The following KAZN variants were observed in gnomAD, a reference collection of about 807,000 sequenced individuals.
The protein encoded by KAZN is kazrin, periplakin interacting protein, also known as kazrin.
KAZN carries 40 observed loss-of-function variants against 87.4 expected under a neutral mutation model. The observed-to-expected ratio is 0.46, with a 90% CI of 0.36 to 0.60. KAZN has a LOEUF of 0.60. Ranked by LOEUF, KAZN falls within the 20% of genes least tolerant of loss-of-function variation. KAZN has a pLI of 0.00. For synonymous variants in KAZN, 466 were observed against 458.3 expected (o/e 1.02, Z -0.22); for missense variants, 898 against 1,073.9 (o/e 0.84, Z 2.29).
intron 1 of KAZN, among the ~76,000 whole-genome samples, chr1:13,958,293 G>A (rs1641619726): frequency 6.6e-6 from 1 of 152,138 alleles, no homozygotes; most frequent in Admixed American, 6.5e-5. Context: ...AAAATTGGCT[G>A]GGTGCGGTGG....
In KAZN at chr1:14,005,569, C is replaced by T. The variant is rs183730593; in HGVS notation, c.91+111813C>T. Among the ~76,000 whole-genome samples the T allele has an allele frequency of 4.7e-4, 71 of 152,094 alleles. No individual in the cohort carries two copies. In the East Asian group the frequency reaches 0.013, roughly 27 times the overall value. ...GTATGTCCGAAGTTCAGAGGAAAGG[C>T]GAGGGTTGAAGACATAATCTGTTAA... On this transcript the variant is annotated intron_variant, in intron 1 of 16. Coordinates refer to the KAZN transcript ENST00000636203.
chr1:14,180,216 G>T (rs1646168032), intron 1 of KAZN, among the ~76,000 whole-genome samples: 4 of 152,042 alleles, frequency 2.6e-5, no homozygotes. Context: ...GTATCCCCAA[G>T]CACTCTATGT....
chr1:15,079,658 A>G lies in KAZN; in HGVS notation c.1222+13905A>G, dbSNP rs561943254. Among the ~76,000 whole-genome samples, 26 of 152,084 alleles carry G rather than the reference A, an allele frequency of 1.7e-4. 1 individual carries two copies. Among genetic ancestry groups the G allele is most frequent in the African/African-American group, 6.3e-4 (26 of 41,492 alleles). ...TCTTGCCCTGGCCACCTGTGTCAAG[A>G]TCCCCCCCTCACTTCTCATGGGATC... On this transcript the variant is annotated intron_variant, in intron 8 of 14. Coordinates refer to ENST00000376030, the MANE Select transcript of KAZN (RefSeq NM_201628.3).
chr1:14,502,336 C>T (rs1167291224), intron 2 of KAZN, among the ~76,000 whole-genome samples: 3 of 152,206 alleles, frequency 2.0e-5, no homozygotes, highest in Non-Finnish European at 4.4e-5. Flanking sequence ...CACATATCAA[C>T]TGAATTGTGC....
chr1:14,046,288 C>A (rs1477724573), intron 1 of KAZN, among the ~76,000 whole-genome samples: 1 of 152,098 alleles, frequency 6.6e-6, no homozygotes, highest in Non-Finnish European at 1.5e-5. Context: ...AACTAATATT[C>A]TTGGAGCCAA....
chr1:14,494,219 T>TG (rs1448583873), intron 2 of KAZN, among the ~76,000 whole-genome samples: 1 of 152,090 alleles, frequency 6.6e-6, no homozygotes, highest in Non-Finnish European at 1.5e-5. Context: ...TAGAATCAAA[T>TG]GGGGAAATTA....
At chr1:14,118,750 G>GCC (rs1644684882) in intron 1 of KAZN, among the ~76,000 whole-genome samples, 1 of 152,140 alleles carries the variant, frequency 6.6e-6, no homozygotes, top group Admixed American at 6.5e-5. Flanking sequence ...TTTTACAGAT[G>GCC]GGAAGACTGG....
At chr1:14,837,353 C>T (rs1647371434) in intron 1 of KAZN, among the ~76,000 whole-genome samples, 2 of 151,956 alleles carry the variant, frequency 1.3e-5, no homozygotes, top group African/African-American at 2.4e-5. Context: ...GCAGGCGCCA[C>T]CATGCCCTGC....
intron 2 of KAZN, among the ~76,000 whole-genome samples, chr1:14,399,970 A>G (rs1198037488): frequency 6.6e-6 from 1 of 152,084 alleles, no homozygotes; most frequent in Admixed American, 6.6e-5. Flanking sequence ...TCAGTAAGTA[A>G]TTGGTGAATT....
intron 1 of KAZN, among the ~76,000 whole-genome samples, chr1:14,039,784 C>T (rs1015688830): frequency 6.6e-5 from 10 of 152,184 alleles, no homozygotes; most frequent in Non-Finnish European, 1.3e-4. Flanking sequence ...GCTGGGCGAC[C>T]TCTCCAGCCC....
At chr1:14,188,119 A>T (rs1364284930) in intron 2 of KAZN, among the ~76,000 whole-genome samples, 1 of 152,100 alleles carries the variant, frequency 6.6e-6, no homozygotes, top group Non-Finnish European at 1.5e-5. Context: ...CCCCATTTAG[A>T]TAACAGTTCA....
chr1:14,645,294 G>T (rs1680729120), intron 1 of KAZN, among the ~76,000 whole-genome samples: 2 of 151,956 alleles, frequency 1.3e-5, no homozygotes, highest in South Asian at 2.1e-4. Flanking sequence ...GTTCTTTTTT[G>T]GTTCCATATG....
At chr1:14,587,643 C>T (rs1166940713) in intron 2 of KAZN, among the ~76,000 whole-genome samples, 2 of 151,678 alleles carry the variant, frequency 1.3e-5, no homozygotes, top group African/African-American at 4.8e-5. Flanking sequence ...AGGTGCCGTA[C>T]TCCCGGAAAC....
At chr1:14,166,679 C>T (rs1276842551) in intron 1 of KAZN, among the ~76,000 whole-genome samples, 1 of 152,098 alleles carries the variant, frequency 6.6e-6, no homozygotes, top group Non-Finnish European at 1.5e-5. Context: ...TATATTTTAA[C>T]AAATTTTGAC....
chr1:13,943,135 G>A (rs1485518607), intron 1 of KAZN, among the ~76,000 whole-genome samples: 1 of 152,114 alleles, frequency 6.6e-6, no homozygotes, highest in Non-Finnish European at 1.5e-5. Context: ...CACAATCCAA[G>A]TAAGTACAAA....
chr1:14,818,856 A>T (rs968210268), intron 1 of KAZN, among the ~76,000 whole-genome samples: 3 of 152,150 alleles, frequency 2.0e-5, no homozygotes, highest in African/African-American at 7.2e-5. Flanking sequence ...GCAGTTCAAG[A>T]CCAGCCTAGC....
intron 2 of KAZN, among the ~76,000 whole-genome samples, chr1:14,508,212 G>C (rs1181997692): frequency 6.6e-6 from 1 of 152,146 alleles, no homozygotes; most frequent in Non-Finnish European, 1.5e-5. Context: ...GTATGTTCGT[G>C]CAAAGCCATC....
chr1:14,651,075 G>T (rs1638335703), intron 1 of KAZN, among the ~76,000 whole-genome samples: 1 of 152,200 alleles, frequency 6.6e-6, no homozygotes, highest in South Asian at 2.1e-4. Context: ...CAACCCAAGA[G>T]CATCATTAAG....
At chr1:14,217,304 A>G (rs1646978792) in intron 2 of KAZN, among the ~76,000 whole-genome samples, 1 of 152,176 alleles carries the variant, frequency 6.6e-6, no homozygotes, top group Admixed American at 6.5e-5. Flanking sequence ...GTATAATCTT[A>G]TTTAAAAAAT....
Sources: gnomAD v4.1 joint callset for allele counts (sites outside exome capture counted in the v4.1 genomes callset) on GRCh38, gnomAD v4.1.1 for gene constraint, MANE v1.5 for transcripts, NCBI Gene and HGNC (gene_info 2026-07-23, HGNC 2026-07-21) for gene names.